DIAPH2: variants seen among roughly 807,000 people sequenced by gnomAD.
DIAPH2 encodes protein diaphanous homolog 2.
Under a neutral mutation model 92.7 loss-of-function variants are expected in DIAPH2, and 35 were observed. That is an observed-to-expected ratio of 0.38 (90% confidence interval 0.29 to 0.50). The LOEUF is 0.50. Ranked by LOEUF, DIAPH2 falls within the 20% of genes least tolerant of loss-of-function variation. DIAPH2 has a pLI of 0.94. For synonymous variants in DIAPH2, 301 were observed against 280.4 expected (o/e 1.07, Z -0.73); for missense variants, 701 against 819.5 (o/e 0.86, Z 1.77).
At chrX:97,249,176 C>G (rs1186107376) in intron 23 of DIAPH2, among the ~76,000 whole-genome samples, 1 of 111,024 alleles carries the variant, frequency 9.0e-6, no homozygotes, top group Admixed American at 9.6e-5. Context: ...TTCCTTATCC[C>G]CTTTTTCTTT....
chrX:96,839,217 C>T (rs2064919511), intron 4 of DIAPH2, among the ~76,000 whole-genome samples: 1 of 111,300 alleles, frequency 9.0e-6, no homozygotes, highest in South Asian at 3.8e-4. Context: ...CCAAATCTGT[C>T]TGACTCCAAA....
At chrX:96,820,588 G>A (rs2064771229) in intron 4 of DIAPH2, among the ~76,000 whole-genome samples, 1 of 112,578 alleles carries the variant, frequency 8.9e-6, no homozygotes, top group Non-Finnish European at 1.9e-5. Flanking sequence ...AAGTAATCAG[G>A]AATATTTATA....
At chrX:96,837,429 CTCTCTGTGTGTGTGTG>C (rs1321851672) in intron 4 of DIAPH2, among the ~76,000 whole-genome samples, 1 of 39,096 alleles carries the variant, frequency 2.6e-5, no homozygotes, top group African/African-American at 2.4e-4. Context: ...CTCTCTCTCT[CTCTCTGTGTGTGTGTG>C]TGTGTGTGTG....
In DIAPH2 at chrX:96,957,906, C is replaced by T; in HGVS notation, c.1693C>T (p.Pro565Ser). The change falls in exon 16 of 27, where the codon CCA becomes TCA. Residue 565 changes from proline to serine, a missense_variant. Around this residue, in one of 3 missense-constraint regions of DIAPH2, gnomAD observed 536 missense variants for 599.3 expected, o/e 0.89. Transcript: ENST00000324765. ...ATTGCCAGGTGTAGGGCCGCCTCCACCACCACCCGCGCCACCTCTACCCGG... is the reference window on the plus strand; with the variant it reads ...ATTGCCAGGTGTAGGGCCGCCTCCATCACCACCCGCGCCACCTCTACCCGG... Reference protein sequence around the residue: ...PPLPGVGPPPPPPAPPLPGGA... With the variant: ...PPLPGVGPPPSPPAPPLPGGA... The T allele has an allele frequency of 8.3e-7, 1 of 1,210,928 alleles. No individual in the cohort carries two copies. The highest frequency in any genetic ancestry group is 1.8e-5 in the South Asian group (1 of 56,878).
At chrX:97,556,358 G>A (rs948406723) in intron 26 of DIAPH2, among the ~76,000 whole-genome samples, 3 of 112,212 alleles carry the variant, frequency 2.7e-5, no homozygotes, top group African/African-American at 9.7e-5. Flanking sequence ...ATTGGGTGCT[G>A]TATGAGTTTC....
chrX:97,567,626 A>C (rs1162970980), intron 26 of DIAPH2, among the ~76,000 whole-genome samples: 1 of 111,661 alleles, frequency 9.0e-6, no homozygotes, highest in Non-Finnish European at 1.9e-5. Flanking sequence ...AAAACTAAGC[A>C]TCAGTTCAGC....
At chrX:97,291,017 G>A (rs1356807960) in intron 23 of DIAPH2, among the ~76,000 whole-genome samples, 1 of 110,188 alleles carries the variant, frequency 9.1e-6, no homozygotes, top group African/African-American at 3.3e-5. Context: ...CCTTGAACCC[G>A]GCAGGCAGAG....
intron 20 of DIAPH2, among the ~76,000 whole-genome samples, chrX:97,105,590 C>T (rs2066934695): frequency 8.9e-6 from 1 of 111,909 alleles, no homozygotes; most frequent in Non-Finnish European, 1.9e-5. Context: ...CTTTTAGACT[C>T]TTCTGAGTGT....
chrX:97,032,358 A>G (rs1250404501), intron 17 of DIAPH2, among the ~76,000 whole-genome samples: 3 of 111,381 alleles, frequency 2.7e-5, no homozygotes, highest in African/African-American at 9.8e-5. Flanking sequence ...GAAAAAGTAC[A>G]AAATTTGGTT....
At chrX:96,905,076 A>G (rs909321382) in intron 5 of DIAPH2, among the ~76,000 whole-genome samples, 1 of 111,578 alleles carries the variant, frequency 9.0e-6, no homozygotes, top group African/African-American at 3.2e-5. Flanking sequence ...TTAGCACTGC[A>G]CAAACAGTGA....
intron 1 of DIAPH2, among the ~76,000 whole-genome samples, chrX:96,689,826 A>G (rs1056548960): frequency 2.7e-5 from 3 of 111,134 alleles, no homozygotes; most frequent in Non-Finnish European, 5.7e-5. Context: ...AATGGGTCCC[A>G]TTTTATGTCT....
At chrX:97,239,834 ATCTCTC>A (rs370959933) in intron 22 of DIAPH2, among the ~76,000 whole-genome samples, 33 of 98,131 alleles carry the variant, frequency 3.4e-4, no homozygotes, top group Middle Eastern at 5.3e-3. Flanking sequence ...TCTAGTAAAA[ATCTCTC>A]TCTCTCTCTC....
intron 26 of DIAPH2, among the ~76,000 whole-genome samples, chrX:97,545,818 C>A (rs1489725620): frequency 9.3e-6 from 1 of 107,102 alleles, no homozygotes; most frequent in African/African-American, 3.4e-5. Flanking sequence ...TATTTGAATA[C>A]CCTCTCGGTG....
chrX:96,737,357 A>G (rs1028173884), intron 2 of DIAPH2, among the ~76,000 whole-genome samples: 9 of 112,397 alleles, frequency 8.0e-5, no homozygotes, highest in Non-Finnish European at 1.3e-4. Flanking sequence ...AATAAAAGTT[A>G]TGCTCATTAA....
At chrX:97,286,243 G>A (rs1253161959) in intron 23 of DIAPH2, among the ~76,000 whole-genome samples, 3 of 107,120 alleles carry the variant, frequency 2.8e-5, no homozygotes, top group African/African-American at 6.8e-5. Flanking sequence ...TAGATACGGG[G>A]TTTTACCATG....
At chrX:97,599,143 T>G in intron 26 of DIAPH2, 110 bp from the exon 27 acceptor site, 2 of 432,026 alleles carry the variant, frequency 4.6e-6, no homozygotes, top group South Asian at 8.2e-5. Context: ...ACATTTTCAT[T>G]TGAAGTGATT....
intron 17 of DIAPH2, among the ~76,000 whole-genome samples, chrX:97,047,310 C>T (rs773314154): frequency 1.7e-4 from 19 of 110,160 alleles, no homozygotes; most frequent in Middle Eastern, 4.8e-3. Flanking sequence ...AAATGGATTC[C>T]GTTGTGTTTA....
chrX:97,212,110 A>C lies in DIAPH2; in HGVS notation c.2720-35605A>C, dbSNP rs189510091. On this transcript the variant is annotated intron_variant, in intron 22 of 26. Coordinates refer to ENST00000324765, the MANE Select transcript of DIAPH2 (RefSeq NM_006729.5). Reference sequence around the variant, plus strand: ...GATTCCACCTTTCCATGGAATGATAAATTTTAGTTCTAAAATCATTTAGAA... The same window carrying C: ...GATTCCACCTTTCCATGGAATGATACATTTTAGTTCTAAAATCATTTAGAA... Among the ~76,000 whole-genome samples, 257 of 111,881 alleles carry C rather than the reference A, an allele frequency of 2.3e-3. 1 individual carries two copies. The highest frequency in any genetic ancestry group is 6.2e-3 in the Admixed American group (65 of 10,533).
chrX:97,086,828 T>C (rs748044716), intron 19 of DIAPH2, among the ~76,000 whole-genome samples: 1 of 111,633 alleles, frequency 9.0e-6, no homozygotes, highest in African/African-American at 3.3e-5. Flanking sequence ...ACTTGGTTCA[T>C]AAGATGCTCA....
Sources: gnomAD v4.1 joint callset for allele counts (sites outside exome capture counted in the v4.1 genomes callset) on GRCh38, gnomAD v4.1.1 for gene constraint, gnomAD v4.1.1 regional missense constraint, MANE v1.5 for transcripts, NCBI Gene and HGNC (gene_info 2026-07-23, HGNC 2026-07-21) for gene names.